The following TNKS variants were observed in gnomAD, a reference collection of about 807,000 sequenced individuals.
TNKS encodes the protein poly [ADP-ribose] polymerase tankyrase-1.
TNKS carries 72 observed loss-of-function variants against 135.8 expected under a neutral mutation model. That is an observed-to-expected ratio of 0.53 (90% CI 0.44 to 0.64). The LOEUF (loss-of-function observed/expected upper bound fraction) is 0.64, where lower values mean the gene tolerates loss of function less well. Among genes scored for constraint, TNKS ranks in the 30% least tolerant of loss-of-function variants. TNKS has a pLI of 0.00. For missense variants in TNKS, 1,769 were observed against 1,674.0 expected (o/e 1.06, Z -0.99); for synonymous variants, 849 against 649.3 (o/e 1.31, Z -4.68).
At chr8:9,727,138 T>C (rs1174681793) in intron 13 of TNKS, among the ~76,000 whole-genome samples, 1 of 152,196 alleles carries the variant, frequency 6.6e-6, no homozygotes, top group East Asian at 1.9e-4. Flanking sequence ...TCTTGATCTT[T>C]TCTCAGAGGT....
Position 9,726,845 on chromosome 8 carries a change from G to GA in TNKS, c.2001+130dup, listed in dbSNP as rs1042893001. ...AAAGGATGAACAGAGTCATGGGCAGGAAAAATCTGTACTACTATTAAGGAA... is the reference window on the plus strand; with the variant it reads ...AAAGGATGAACAGAGTCATGGGCAGGAAAAAATCTGTACTACTATTAAGGAA... On this transcript the variant is annotated intron_variant, in intron 13 of 26. Transcript: ENST00000310430. 2.1e-5 allele frequency: 16 copies of GA among 752,276 alleles called. No individual in the cohort carries two copies. In the African/African-American group the frequency reaches 2.8e-4, roughly 13 times the overall value. The allele number at this position is 752,276 out of a possible 1,614,324, so 46.6% of individuals were successfully genotyped here. A position where few individuals can be genotyped will look rare whatever the true frequency, so the allele number is the denominator to read the frequency against.
intron 3 of TNKS, among the ~76,000 whole-genome samples, chr8:9,672,709 C>CAAA (rs1203663457): frequency 3.3e-5 from 3 of 91,820 alleles, no homozygotes; most frequent in African/African-American, 1.3e-4. Flanking sequence ...CACACACACA[C>CAAA]ACAAAAAAAA....
chr8:9,600,133 G>T (rs1169072666), intron 2 of TNKS, among the ~76,000 whole-genome samples: 1 of 152,148 alleles, frequency 6.6e-6, no homozygotes, highest in Admixed American at 6.5e-5. Flanking sequence ...GCTGAGAGAG[G>T]TAAAGGAATT....
At chr8:9,589,259 G>C (rs61103910) in intron 2 of TNKS, among the ~76,000 whole-genome samples, 38 of 152,312 alleles carry the variant, frequency 2.5e-4, no homozygotes, top group African/African-American at 8.4e-4. Context: ...GGTAGCAGCA[G>C]GATCAGCTTG....
At chr8:9,718,326 C>T (rs1804710336) in intron 11 of TNKS, among the ~76,000 whole-genome samples, 2 of 152,080 alleles carry the variant, frequency 1.3e-5, no homozygotes, top group Admixed American at 6.6e-5. Context: ...GTGTTAAGTA[C>T]GGATGTCACA....
In TNKS at chr8:9,735,366, A is replaced by G. The variant is rs1182423019; in HGVS notation, c.2534-11A>G. On this transcript the variant is annotated splice_polypyrimidine_tract_variant and intron_variant, in intron 16 of 26. Coordinates refer to ENST00000310430, the MANE Select transcript of TNKS (RefSeq NM_003747.3). ...CTGACACGTTTCCTGTATTTTTTTT[A>G]CTCTAAATAGCAGGCTATAATAACC... 6.2e-7 allele frequency: 1 copy of G among 1,605,138 alleles called. No homozygotes were observed. Among genetic ancestry groups the G allele is most frequent in the South Asian group, 1.1e-5 (1 of 90,422 alleles).
Position 9,556,366 on chromosome 8 carries a change from C to A in TNKS, c.427C>A (p.Pro143Thr). The A allele has an allele frequency of 1.2e-6, 2 of 1,614,226 alleles. No homozygotes were observed. Among genetic ancestry groups the A allele is most frequent in the Non-Finnish European group, 1.7e-6 (2 of 1,180,024 alleles). ...SSPTSSSSSS[P>T]SSPGSSLAES... ...CCCGACTTCTTCCTCATCTTCCTCT[C>A]CATCCTCCCCTGGATCGAGCTTGGC... is the stretch of plus-strand genomic sequence containing the variant. The change falls in exon 1 of 27, where the codon CCA becomes ACA. Residue 143 changes from proline (P) to threonine (T), a missense_variant. Pro to Thr is a conservative substitution (Grantham distance 38). This residue lies in a region of TNKS where 450 missense variants were observed against 304.9 expected (regional missense o/e 1.48). Transcript: ENST00000310430.
intron 1 of TNKS, among the ~76,000 whole-genome samples, chr8:9,571,038 C>T (rs910171145): frequency 7.9e-5 from 12 of 152,112 alleles, no homozygotes; most frequent in South Asian, 6.2e-4. Flanking sequence ...AAATTACATT[C>T]GGGGGCATTT....
intron 14 of TNKS, 113 bp from the exon 15 acceptor site, chr8:9,733,166 G>C (rs1805526856): frequency 2.3e-6 from 2 of 855,916 alleles, no homozygotes; most frequent in Admixed American, 3.4e-5. Context: ...ATTTCTTTTT[G>C]CGCAGTGTTC....
rs376147563 is a variant in TNKS, at chr8:9,653,621, A to G, written c.995-26330A>G. ...AGCAAATTCAGTCCCATGAGGGAGA[A>G]CTCACTTCTACTCCAATGAGAAAGG... is the stretch of plus-strand genomic sequence containing the variant. On this transcript the variant is annotated intron_variant, in intron 3 of 26. Coordinates refer to ENST00000310430, the MANE Select transcript of TNKS (RefSeq NM_003747.3). Among the ~76,000 whole-genome samples, 9 of 152,148 alleles carry G rather than the reference A, an allele frequency of 5.9e-5. No individual in the cohort carries two copies. In the East Asian group the frequency reaches 1.2e-3, roughly 20 times the overall value.
chr8:9,769,673 G>A (rs1341374569), intron 25 of TNKS, among the ~76,000 whole-genome samples: 2 of 136,298 alleles, frequency 1.5e-5, no homozygotes, highest in African/African-American at 5.6e-5. Context: ...AGCCTGGAGT[G>A]CAGTGGCGCG....
chr8:9,595,935 G>C (rs1041201031), intron 2 of TNKS, among the ~76,000 whole-genome samples: 2 of 152,070 alleles, frequency 1.3e-5, no homozygotes, highest in Non-Finnish European at 2.9e-5. Flanking sequence ...AATAAAGTGA[G>C]ATCCTGTCTC....
At chr8:9,607,295 G>A (rs932871320) in intron 2 of TNKS, among the ~76,000 whole-genome samples, 1 of 152,110 alleles carries the variant, frequency 6.6e-6, no homozygotes, top group African/African-American at 2.4e-5. Flanking sequence ...AAGACAGCAG[G>A]ATTCTCTTTT....
Position 9,766,440 on chromosome 8 carries a change from A to G in TNKS, c.3740+15A>G, listed in dbSNP as rs769582957. Reference sequence around the variant, plus strand: ...ATATGTCACAGGTAAGCATCTTGCCATTAGTGTAACGTTTCCCACCCCTAG... The same window carrying G: ...ATATGTCACAGGTAAGCATCTTGCCGTTAGTGTAACGTTTCCCACCCCTAG... On this transcript the variant is annotated intron_variant, in intron 25 of 26. Transcript: ENST00000310430. 2.0e-6 allele frequency: 3 copies of G among 1,514,838 alleles called. No homozygotes were observed. Among genetic ancestry groups the G allele is most frequent in the Admixed American group, 1.9e-5 (1 of 51,380 alleles). The allele number at this position is 1,514,838 out of a possible 1,614,324, so 93.8% of individuals were successfully genotyped here. A position where few individuals can be genotyped will look rare whatever the true frequency, so the allele number is the denominator to read the frequency against.
chr8:9,622,769 T>C (rs1456373132), intron 3 of TNKS, among the ~76,000 whole-genome samples: 1 of 152,184 alleles, frequency 6.6e-6, no homozygotes, highest in African/African-American at 2.4e-5. Flanking sequence ...GTAAGACTCA[T>C]CATCATATTA....
chr8:9,576,617 A>C (rs567845964), intron 1 of TNKS, among the ~76,000 whole-genome samples: 1 of 152,148 alleles, frequency 6.6e-6, no homozygotes, highest in East Asian at 1.9e-4. Flanking sequence ...CTCATGTGAC[A>C]GCACTAGGGT....
intron 17 of TNKS, chr8:9,740,823 GTTGTTT>G (rs1317782668): frequency 3.3e-5 from 2 of 60,496 alleles, no homozygotes; most frequent in African/African-American, 9.4e-5. Flanking sequence ...TGTAATTCTT[GTTGTTT>G]TTTTTTTTTT....
chr8:9,752,456 T>C, intron 19 of TNKS, 88 bp from the exon 20 acceptor site: 3 of 881,340 alleles, frequency 3.4e-6, no homozygotes, highest in Non-Finnish European at 3.6e-6. Flanking sequence ...ACAGCCAAGG[T>C]TGTCAGAGTC....
rs144310008 is a variant in TNKS at position 9,742,498 on chromosome 8, A to G, written c.2644-5526A>G. 9.9e-3 allele frequency among the ~76,000 whole-genome samples: 1,505 copies of G among 151,806 alleles called. 22 individuals carry two copies. Among genetic ancestry groups the G allele is most frequent in the African/African-American group, 0.034 (1,413 of 41,440 alleles). ...TTATTTTATGCCACTTGTAAAACCTATAATCTATTATTAGTAACCAATCAG... is the reference window on the plus strand; with the variant it reads ...TTATTTTATGCCACTTGTAAAACCTGTAATCTATTATTAGTAACCAATCAG... On this transcript the variant is annotated intron_variant, in intron 17 of 26. Transcript: ENST00000310430.
Sources: allele counts gnomAD v4.1 joint callset (sites outside exome capture counted in the v4.1 genomes callset), GRCh38; gene constraint gnomAD v4.1.1; regional missense constraint gnomAD v4.1.1; transcripts MANE v1.5; gene names NCBI Gene and HGNC (gene_info 2026-07-23, HGNC 2026-07-21).